Variants in CEP85L observed in about 807,000 individuals in gnomAD.
The protein encoded by CEP85L is centrosomal protein of 85 kDa-like.
A neutral mutation model predicts 100.3 loss-of-function variants in CEP85L; 60 were observed. That is an observed-to-expected ratio of 0.60 (90% CI 0.49 to 0.74). CEP85L has a LOEUF of 0.74. CEP85L is among the 30% of genes least tolerant of loss of function. The pLI is 0.00. For synonymous variants in CEP85L, 319 were observed against 322.7 expected (o/e 0.99, Z 0.12); for missense variants, 973 against 936.2 (o/e 1.04, Z -0.51).
intron 5 of CEP85L, among the ~76,000 whole-genome samples, chr6:118,497,510 G>T (rs1244001439): frequency 6.6e-6 from 1 of 152,098 alleles, no homozygotes; most frequent in Non-Finnish European, 1.5e-5. Flanking sequence ...AATTATAATA[G>T]AAATGAGGTA....
intron 2 of CEP85L, among the ~76,000 whole-genome samples, chr6:118,610,031 A>G (rs1450421228): frequency 6.6e-6 from 1 of 151,518 alleles, no homozygotes. Context: ...AAGGAGAACA[A>G]GAATCATTTC....
At chr6:118,480,593 G>A in intron 8 of CEP85L, 80 bp from the exon 9 acceptor site, 2 of 871,560 alleles carry the variant, frequency 2.3e-6, no homozygotes, top group Non-Finnish European at 3.7e-6. Context: ...AATGATTATT[G>A]CTTTATTAAA....
chr6:118,656,607 G>C (rs373584987), upstream of CEP85L, among the ~76,000 whole-genome samples: 29 of 152,256 alleles, frequency 1.9e-4, no homozygotes, highest in African/African-American at 7.0e-4. Flanking sequence ...TGTAGGACCT[G>C]CCTCAGCCTT....
At chr6:118,593,999 T>C (rs1364060735) in intron 2 of CEP85L, among the ~76,000 whole-genome samples, 2 of 152,178 alleles carry the variant, frequency 1.3e-5, no homozygotes, top group South Asian at 2.1e-4. Context: ...CCAGGAGTCT[T>C]TTCCCTAATC....
intron 3 of CEP85L, among the ~76,000 whole-genome samples, chr6:118,534,422 G>A (rs1413661282): frequency 1.3e-5 from 2 of 152,178 alleles, no homozygotes; most frequent in Admixed American, 6.5e-5. Context: ...GGAGGCCGAA[G>A]TGGGCGGATC....
At chr6:118,701,609 A>G (rs1274640307) in intron 1 of CEP85L, among the ~76,000 whole-genome samples, 1 of 152,190 alleles carries the variant, frequency 6.6e-6, no homozygotes, top group East Asian at 1.9e-4. Flanking sequence ...AATGATAGAA[A>G]CTGAAAACTA....
chr6:118,529,608 CAAAAAAAAAAAAAA>C lies in CEP85L; in HGVS notation c.1021-5702_1021-5689del, dbSNP rs55732442. Among the ~76,000 whole-genome samples, 45 of 92,518 alleles carry C rather than the reference CAAAAAAAAAAAAAA, an allele frequency of 4.9e-4. 1 individual carries two copies. Among genetic ancestry groups the C allele is most frequent in the Middle Eastern group, 6.8e-3 (1 of 148 alleles). The allele number at this position is 92,518 out of a possible 152,430, so 60.7% of individuals were successfully genotyped here. A position where few individuals can be genotyped will look rare whatever the true frequency, so the allele number is the denominator to read the frequency against. On this transcript the variant is annotated intron_variant, in intron 3 of 12. Transcript: ENST00000368491. The stretch of plus-strand genomic sequence containing the variant: ...GGGCGACAGAGCGAGACTCTGTCTC[CAAAAAAAAAAAAAA>C]AAAAAAAAAAAAAATTCTTACTAGT...
intron 2 of CEP85L, among the ~76,000 whole-genome samples, chr6:118,592,873 T>C (rs576489699): frequency 6.6e-6 from 1 of 152,304 alleles, no homozygotes; most frequent in South Asian, 2.1e-4. Context: ...GAAATAAGAT[T>C]GTCATGTATT....
chr6:118,580,950 G>A (rs1021434108), intron 2 of CEP85L, among the ~76,000 whole-genome samples: 1 of 152,108 alleles, frequency 6.6e-6, no homozygotes, highest in African/African-American at 2.4e-5. Flanking sequence ...GAGAGCACAC[G>A]GCATTTCCAG....
chr6:118,557,200 C>A (rs1436997154), intron 3 of CEP85L, among the ~76,000 whole-genome samples: 3 of 152,120 alleles, frequency 2.0e-5, no homozygotes, highest in Non-Finnish European at 4.4e-5. Context: ...TAAAACACTT[C>A]CCATTTAACA....
intron 3 of CEP85L, among the ~76,000 whole-genome samples, chr6:118,529,608 CAAAAAAAAAAAAA>C (rs55732442): frequency 0.25 from 23,305 of 92,822 alleles, 2,139 homozygotes; most frequent in Middle Eastern, 0.28. Context: ...ACTCTGTCTC[CAAAAAAAAAAAAA>C]AAAAAAAAAA....
chr6:118,562,100 C>T (rs1779259184), intron 3 of CEP85L, among the ~76,000 whole-genome samples: 1 of 152,102 alleles, frequency 6.6e-6, no homozygotes, highest in Admixed American at 6.5e-5. Flanking sequence ...TATAAAAGTC[C>T]TCTTTAACTA....
chr6:118,639,901 T>C (rs1323030780), intron 1 of CEP85L, among the ~76,000 whole-genome samples: 1 of 152,236 alleles, frequency 6.6e-6, no homozygotes, highest in Non-Finnish European at 1.5e-5. Context: ...TTGGTGGTTG[T>C]TGTCTGCTTA....
chr6:118,708,920 A>C (rs1777687277), intron 1 of CEP85L, among the ~76,000 whole-genome samples: 1 of 152,234 alleles, frequency 6.6e-6, no homozygotes, highest in Non-Finnish European at 1.5e-5. Context: ...ATGAACTTTA[A>C]ATGCCAAAAA....
At chr6:118,488,278 A>G (rs1239972523) in intron 6 of CEP85L, among the ~76,000 whole-genome samples, 1 of 152,124 alleles carries the variant, frequency 6.6e-6, no homozygotes, top group African/African-American at 2.4e-5. Flanking sequence ...CATACCCAAC[A>G]TAAAGATGCT....
chr6:118,576,844 G>A (rs567685283), intron 2 of CEP85L, among the ~76,000 whole-genome samples: 187 of 152,184 alleles, frequency 1.2e-3, no homozygotes, highest in African/African-American at 3.9e-3. Context: ...ATTGAAACAC[G>A]GTACCAAGAT....
intron 6 of CEP85L, among the ~76,000 whole-genome samples, chr6:118,487,973 G>A (rs895131698): frequency 6.6e-6 from 1 of 151,742 alleles, no homozygotes; most frequent in Non-Finnish European, 1.5e-5. Flanking sequence ...ATAGGACCTA[G>A]AATACTCCTG....
At chr6:118,676,674 T>C (rs1260156900) in intron 1 of CEP85L, among the ~76,000 whole-genome samples, 1 of 152,214 alleles carries the variant, frequency 6.6e-6, no homozygotes, top group Non-Finnish European at 1.5e-5. Flanking sequence ...CTTTGACATA[T>C]AGATTTCAAG....
chr6:118,532,359 G>A (rs1293091831), intron 3 of CEP85L, among the ~76,000 whole-genome samples: 1 of 152,022 alleles, frequency 6.6e-6, no homozygotes, highest in Non-Finnish European at 1.5e-5. Flanking sequence ...TACTTGATGA[G>A]GGGGGCGGGT....
Sources: allele counts gnomAD v4.1 joint callset (sites outside exome capture counted in the v4.1 genomes callset), GRCh38; gene constraint gnomAD v4.1.1; transcripts MANE v1.5; gene names NCBI Gene and HGNC (gene_info 2026-07-23, HGNC 2026-07-21).